The following LARP1 variants were observed in gnomAD, a reference collection of about 807,000 sequenced individuals.
The protein encoded by LARP1 is la-related protein 1.
A neutral mutation model predicts 122.7 loss-of-function variants in LARP1; 36 were observed. That is an observed-to-expected ratio of 0.29 (90% CI 0.22 to 0.39). The LOEUF is 0.39. Ranked by LOEUF, LARP1 falls within the 10% of genes least tolerant of loss-of-function variation. The pLI is 1.00. For missense variants in LARP1, 1,040 were observed against 1,403.6 expected, an observed-to-expected ratio of 0.74 and a Z score of 4.14; for synonymous variants, 539 against 528.7, an observed-to-expected ratio of 1.02 and a Z score of -0.27.
At chr5:154,755,261 C>T (rs1254606451), upstream of LARP1, among the ~76,000 whole-genome samples, 2 of 125,836 alleles carry the variant, frequency 1.6e-5, no homozygotes, top group African/African-American at 5.8e-5. Flanking sequence ...CGGCCAGCGG[C>T]GCGCCCCCGC....
chr5:154,690,199 A>AT (rs1274236003), intron 1 of LARP1, among the ~76,000 whole-genome samples: 1 of 152,148 alleles, frequency 6.6e-6, no homozygotes, highest in Non-Finnish European at 1.5e-5. Flanking sequence ...CCCCTACCCC[A>AT]TTGCAGTTAG....
chr5:154,720,666 C>T (rs930839933), intron 1 of LARP1, among the ~76,000 whole-genome samples: 49 of 151,750 alleles, frequency 3.2e-4, no homozygotes, highest in African/African-American at 1.1e-3. Context: ...GAGCTGAGAT[C>T]GTGCCACTGC....
chr5:154,698,442 T>C (rs1754571674), intron 1 of LARP1, among the ~76,000 whole-genome samples: 1 of 151,908 alleles, frequency 6.6e-6, no homozygotes, highest in South Asian at 2.1e-4. Flanking sequence ...ACTAAAAATG[T>C]AAAAATTAGC....
At position 154,815,843 on chromosome 5, in the gene LARP1, GACC is replaced by G. The variant is rs982586687; in HGVS notation, c.*1748_*1750del. 13 of 152,410 alleles carry G rather than the reference GACC, an allele frequency of 8.5e-5. No homozygotes were observed. The highest frequency in any genetic ancestry group is 2.9e-4 in the African/African-American group (12 of 41,434). 9.4% of individuals were successfully genotyped at this position (152,410 alleles called of 1,614,324 possible). A position where few individuals can be genotyped will look rare whatever the true frequency, so the allele number is the denominator to read the frequency against. On this transcript the variant is annotated 3_prime_UTR_variant, in exon 19 of 19. Transcript: ENST00000518297. ...AAGGCAGGGAGGGTGATGAAGGACTGACCCACATGGACTGGGATGTGTGTCGGT... is the reference window on the plus strand; with the variant it reads ...AAGGCAGGGAGGGTGATGAAGGACTGCACATGGACTGGGATGTGTGTCGGT...
intron 1 of LARP1, among the ~76,000 whole-genome samples, chr5:154,737,232 G>A (rs943792003): frequency 3.3e-5 from 5 of 151,598 alleles, no homozygotes; most frequent in African/African-American, 1.2e-4. Context: ...GTAGAGACGG[G>A]GTTTCACCAT....
chr5:154,720,537 A>T (rs548924893), intron 1 of LARP1, among the ~76,000 whole-genome samples: 1 of 152,116 alleles, frequency 6.6e-6, no homozygotes, highest in East Asian at 1.9e-4. Flanking sequence ...CAACATAGGG[A>T]AACTCTATCT....
intron 15 of LARP1, 39 bp downstream of exon 15, chr5:154,806,071 C>T (rs776512450): frequency 1.3e-5 from 21 of 1,600,436 alleles, no homozygotes; most frequent in East Asian, 2.3e-5. Flanking sequence ...CCTCTGGGCC[C>T]GTTATTTAGA....
chr5:154,790,209 C>G (rs1757232871), intron 1 of LARP1, 116 bp from the exon 2 acceptor site: 2 of 772,846 alleles, frequency 2.6e-6, no homozygotes, highest in Admixed American at 4.7e-5. Flanking sequence ...GTGTCTTTCT[C>G]CTTTGGGAAC....
At chr5:154,732,810 T>C (rs1266766528) in intron 1 of LARP1, among the ~76,000 whole-genome samples, 1 of 152,220 alleles carries the variant, frequency 6.6e-6, no homozygotes, top group Non-Finnish European at 1.5e-5. Flanking sequence ...CAGAGCTCCT[T>C]GGAGATGGAA....
chr5:154,803,770 C>A lies in LARP1; in HGVS notation c.2439+25C>A, dbSNP rs567434612. 1 of 1,607,476 alleles carries A rather than the reference C, an allele frequency of 6.2e-7. No homozygotes were observed. On this transcript the variant is annotated intron_variant, in intron 13 of 18. Coordinates refer to ENST00000518297, the MANE Select transcript of LARP1 (RefSeq NM_033551.3). The surrounding 1 kb of genome is among the most constrained non-coding windows in gnomAD (Gnocchi z 4.4). ...GGTGAGGCATTCCTGTCGGGCTGCT[C>A]AGAGTCTTGGGTCTACTTCATTGCA...
intron 16 of LARP1, among the ~76,000 whole-genome samples, chr5:154,808,916 G>T (rs929708863): frequency 6.6e-6 from 1 of 152,136 alleles, no homozygotes. Flanking sequence ...AGACATCTGT[G>T]TAGTCTTCCA....
upstream of LARP1, among the ~76,000 whole-genome samples, chr5:154,751,061 TA>T (rs1753462716): frequency 6.6e-6 from 1 of 152,180 alleles, no homozygotes; most frequent in Non-Finnish European, 1.5e-5. Context: ...TTGGTTCCTC[TA>T]ATTAGAGTTT....
intron 1 of LARP1, among the ~76,000 whole-genome samples, chr5:154,759,726 G>A (rs183356965): frequency 6.6e-6 from 1 of 152,154 alleles, no homozygotes; most frequent in Non-Finnish European, 1.5e-5. Flanking sequence ...TATGTTGTTG[G>A]GAAAGTGATA....
At chr5:154,777,712 CAAAG>C (rs992454080) in intron 1 of LARP1, among the ~76,000 whole-genome samples, 17 of 152,130 alleles carry the variant, frequency 1.1e-4, no homozygotes, top group South Asian at 2.1e-4. Flanking sequence ...GTTTGTAACA[CAAAG>C]AAAGGATAAA....
rs143975231 is a variant in LARP1 at position 154,739,702 on chromosome 5, T to C, written c.205+26572T>C. Among the ~76,000 whole-genome samples, 382 of 152,226 alleles carry C rather than the reference T, an allele frequency of 2.5e-3. 1 individual carries two copies. Among genetic ancestry groups the C allele is most frequent in the African/African-American group, 9.0e-3 (375 of 41,548 alleles). Reference sequence around the variant, plus strand: ...GCGTGAGCCACCATACCCAGCTACGTTGGCTGAATGACAGGAAGCAGGACA... The same window carrying C: ...GCGTGAGCCACCATACCCAGCTACGCTGGCTGAATGACAGGAAGCAGGACA... On this transcript the variant is annotated intron_variant, in intron 1 of 18. Transcript: ENST00000336314.
intron 1 of LARP1, among the ~76,000 whole-genome samples, chr5:154,736,536 T>TTTTA (rs56109800): frequency 0.29 from 38,806 of 132,968 alleles, 6,352 homozygotes; most frequent in Middle Eastern, 0.36. Flanking sequence ...CCTGGCCTAT[T>TTTTA]TTTATTTATT....
intron 1 of LARP1, among the ~76,000 whole-genome samples, chr5:154,779,855 G>A (rs1361836844): frequency 3.3e-5 from 5 of 152,060 alleles, no homozygotes; most frequent in South Asian, 2.1e-4. Context: ...GAGAGCATCC[G>A]TGTGCAGGGG....
intron 1 of LARP1, among the ~76,000 whole-genome samples, chr5:154,744,101 TCTGTCCTCTACC>T (rs760305987): frequency 1.4e-4 from 21 of 152,342 alleles, no homozygotes; most frequent in Middle Eastern, 3.4e-3. Context: ...TCATTCATTT[TCTGTCCTCTACC>T]AAAGGAAAGG....
chr5:154,808,674 C>T (rs1372929510), intron 16 of LARP1, 71 bp downstream of exon 16: 1 of 1,491,072 alleles, frequency 6.7e-7, no homozygotes, highest in Non-Finnish European at 9.1e-7. Flanking sequence ...TGGTCTGCTT[C>T]CAGAACTGTA....
Sources: allele counts gnomAD v4.1 joint callset (sites outside exome capture counted in the v4.1 genomes callset), GRCh38; gene constraint gnomAD v4.1.1; non-coding constraint Gnocchi (gnomAD v3.1); transcripts MANE v1.5; gene names NCBI Gene and HGNC (gene_info 2026-07-23, HGNC 2026-07-21).